Variants in YAE1 observed in about 807,000 individuals in gnomAD.
YAE1 encodes protein YAE1 homolog.
Under a neutral mutation model 23.0 loss-of-function variants are expected in YAE1, and 22 were observed. The observed-to-expected ratio is 0.96, with a 90% confidence interval of 0.68 to 1.37. YAE1 has a LOEUF of 1.37. YAE1 is among the 40% of genes most tolerant of loss of function. The probability of loss-of-function intolerance (pLI) is 0.00; values close to 1 mark genes in which losing one functional copy is unlikely to be tolerated. For synonymous variants in YAE1, 101 were observed against 97.0 expected (o/e 1.04, Z -0.24); for missense variants, 260 against 262.1 (o/e 0.99, Z 0.06).
chr7:39,587,555 C>T (rs1790838454), intron 2 of YAE1, among the ~76,000 whole-genome samples: 1 of 152,138 alleles, frequency 6.6e-6, no homozygotes, highest in Non-Finnish European at 1.5e-5. Context: ...CCTGTTGTAC[C>T]ATGTTGTATT....
chr7:39,579,977 T>C (rs1405295446), intron 2 of YAE1, among the ~76,000 whole-genome samples: 1 of 151,986 alleles, frequency 6.6e-6, no homozygotes, highest in African/African-American at 2.4e-5. Flanking sequence ...CCCAGGAGCT[T>C]GAGGCTGCAG....
chr7:39,605,729 C>CTG (rs1791120296), intron 2 of YAE1, among the ~76,000 whole-genome samples: 1 of 152,048 alleles, frequency 6.6e-6, no homozygotes, highest in South Asian at 2.1e-4. Flanking sequence ...ATCTTTTTTT[C>CTG]TCTCTCTCTC....
chr7:39,581,007 T>C lies in YAE1; in HGVS notation c.251+10380T>C, dbSNP rs190004099. On this transcript the variant is annotated intron_variant, in intron 2 of 2. Coordinates refer to the YAE1 transcript ENST00000432096. ...AGCATCTCTACTTGCCAAGCAGGAC[T>C]GCACCTAAACTGTTTCAAACAACAC... 5.1e-4 allele frequency among the ~76,000 whole-genome samples: 77 copies of C among 152,330 alleles called. 1 individual carries two copies. Among genetic ancestry groups the C allele is most frequent in the Admixed American group, 5.0e-3 (77 of 15,292 alleles).
chr7:39,605,616 T>A (rs1791118745), intron 2 of YAE1, among the ~76,000 whole-genome samples: 1 of 152,196 alleles, frequency 6.6e-6, no homozygotes, highest in African/African-American at 2.4e-5. Context: ...CTCCTGGTTC[T>A]CAGGCTCTCA....
chr7:39,598,041 C>T (rs182739312), intron 2 of YAE1, among the ~76,000 whole-genome samples: 1 of 152,104 alleles, frequency 6.6e-6, no homozygotes, highest in Admixed American at 6.5e-5. Context: ...AACTCCTAGG[C>T]TCAGGGGATC....
downstream of YAE1, among the ~76,000 whole-genome samples, chr7:39,576,128 T>G (rs1340960004): frequency 6.6e-6 from 1 of 152,214 alleles, no homozygotes; most frequent in African/African-American, 2.4e-5. Flanking sequence ...AGTCTTCCTC[T>G]GCCCTTCCTG....
intron 2 of YAE1, among the ~76,000 whole-genome samples, chr7:39,606,764 A>G (rs181141784): frequency 2.2e-3 from 328 of 152,372 alleles, no homozygotes; most frequent in African/African-American, 7.5e-3. Context: ...GATGCCATAC[A>G]GAATGAACTA....
chr7:39,592,940 A>T (rs967745122), intron 2 of YAE1, among the ~76,000 whole-genome samples: 9 of 151,708 alleles, frequency 5.9e-5, no homozygotes, highest in African/African-American at 2.2e-4. Flanking sequence ...CTCTACTGGG[A>T]CTCCAGTTAC....
chr7:39,570,340 T>C, intron 1 of YAE1, 166 bp from the exon 2 acceptor site: 1 of 806,946 alleles, frequency 1.2e-6, no homozygotes, highest in South Asian at 1.9e-5. Context: ...AATAATAAAC[T>C]TAGGAGAAGC....
At chr7:39,581,889 C>T (rs1790748039) in intron 2 of YAE1, among the ~76,000 whole-genome samples, 1 of 151,796 alleles carries the variant, frequency 6.6e-6, no homozygotes, top group Non-Finnish European at 1.5e-5. Context: ...AAATAAAAAA[C>T]AAGAAAATAA....
intron 1 of YAE1, chr7:39,570,198 T>C: frequency 1.5e-6 from 1 of 655,390 alleles, no homozygotes; most frequent in South Asian, 1.9e-5. Context: ...GAGGGTGCCA[T>C]GTCTGCCGCT....
chr7:39,596,151 A>G (rs1388281990), intron 2 of YAE1, among the ~76,000 whole-genome samples: 1 of 152,210 alleles, frequency 6.6e-6, no homozygotes, highest in African/African-American at 2.4e-5. Context: ...TTGAAAAGTA[A>G]CAAAATAAAA....
chr7:39,574,733 C>CAA (rs574580885), downstream of YAE1, among the ~76,000 whole-genome samples: 7,962 of 77,694 alleles, frequency 0.1, 297 homozygotes, highest in Non-Finnish European at 0.15. Context: ...ACTCTGTCTC[C>CAA]AAAAAAAAAA....
At chr7:39,572,223 T>C (rs1790579236) in intron 2 of YAE1, 54 bp from the exon 3 acceptor site, 1 of 1,502,512 alleles carries the variant, frequency 6.7e-7, no homozygotes, top group Non-Finnish European at 8.9e-7. Flanking sequence ...AAAGATAGTC[T>C]TATATTTTTA....
In YAE1 at chr7:39,591,903, C is replaced by T. The variant is rs1173080088; in HGVS notation, c.252-17714C>T. On this transcript the variant is annotated intron_variant, in intron 2 of 2. Coordinates refer to the YAE1 transcript ENST00000432096. ...TACACTTATGTATTTTTGCCTTTTC[C>T]GGAATGTCACATACTGTAGTTGGAA... is the stretch of plus-strand genomic sequence containing the variant. 3.5e-4 allele frequency among the ~76,000 whole-genome samples: 53 copies of T among 152,150 alleles called. 1 individual carries two copies. The highest frequency in any genetic ancestry group is 3.4e-3 in the Admixed American group (52 of 15,274).
chr7:39,566,652 CTT>C (rs1369403614), intron 1 of YAE1, 105 bp downstream of exon 1: 3 of 1,492,938 alleles, frequency 2.0e-6, no homozygotes, highest in African/African-American at 1.4e-5. Context: ...GCGCTGCTCT[CTT>C]TATCCCTAGG....
At chr7:39,609,507 A>G (rs889596236) in intron 2 of YAE1, 3 of 1,402,460 alleles carry the variant, frequency 2.1e-6, no homozygotes, top group Non-Finnish European at 2.9e-6. Context: ...AATCTTCGTT[A>G]TAAGTTTATC....
chr7:39,567,475 T>A (rs936276455), intron 1 of YAE1, among the ~76,000 whole-genome samples: 5 of 152,010 alleles, frequency 3.3e-5, no homozygotes, highest in Admixed American at 1.3e-4. Context: ...CTTTTTTTTT[T>A]AAACAATTTC....
At chr7:39,578,109 T>C (rs567008278) in intron 2 of YAE1, among the ~76,000 whole-genome samples, 2 of 152,274 alleles carry the variant, frequency 1.3e-5, no homozygotes, top group Non-Finnish European at 2.9e-5. Context: ...GCTAATCTGG[T>C]GGGGACTTGG....
Sources: gnomAD v4.1 joint callset for allele counts (sites outside exome capture counted in the v4.1 genomes callset) on GRCh38, gnomAD v4.1.1 for gene constraint, MANE v1.5 for transcripts, NCBI Gene and HGNC (gene_info 2026-07-23, HGNC 2026-07-21) for gene names.